Variants in HNRNPL observed in about 807,000 individuals in gnomAD.
HNRNPL encodes heterogeneous nuclear ribonucleoprotein L.
A neutral mutation model predicts 64.0 loss-of-function variants in HNRNPL; 12 were observed. The ratio of observed to expected loss-of-function variants is 0.19; its 90% CI spans 0.12 to 0.30. HNRNPL has a LOEUF of 0.30. Ranked by LOEUF, HNRNPL falls within the 10% of genes least tolerant of loss-of-function variation. The pLI, the probability that HNRNPL is intolerant of heterozygous loss-of-function variation, is 1.00. For missense variants in HNRNPL, 484 were observed against 797.4 expected, an observed-to-expected ratio of 0.61 and a Z score of 4.73; for synonymous variants, 385 against 313.0, an observed-to-expected ratio of 1.23 and a Z score of -2.43.
At chr19:38,849,668 G>C in intron 1 of HNRNPL, 32 bp downstream of exon 1, 1 of 1,305,244 alleles carries the variant, frequency 7.7e-7, no homozygotes, top group Non-Finnish European at 9.7e-7. Context: ...CCCAGTTCCC[G>C]GCCTTCCCAG....
upstream of HNRNPL, among the ~76,000 whole-genome samples, chr19:38,851,816 G>C (rs779824427): frequency 6.6e-6 from 1 of 152,120 alleles, no homozygotes; most frequent in Non-Finnish European, 1.5e-5. Flanking sequence ...TGGCTCTGCC[G>C]GTGAGGGGAA....
At chr19:38,845,586 G>A in intron 4 of HNRNPL, 64 bp downstream of exon 4, 2 of 1,305,676 alleles carry the variant, frequency 1.5e-6, no homozygotes, top group Non-Finnish European at 2.2e-6. Context: ...CTCAAAGAAT[G>A]GCCACTGTCA....
intron 9 of HNRNPL, 117 bp downstream of exon 9, chr19:38,838,777 A>G: frequency 7.0e-7 from 1 of 1,432,416 alleles, no homozygotes. Flanking sequence ...CACACCTGCC[A>G]CATCCCATTT....
upstream of HNRNPL, chr19:38,850,261 A>G (rs575130064): frequency 8.9e-5 from 31 of 347,088 alleles, no homozygotes; most frequent in African/African-American, 6.1e-4. Context: ...TGGCCTCCCT[A>G]AAAGCACCTG....
chr19:38,847,195 G>A lies in HNRNPL; in HGVS notation c.386+121C>T, dbSNP rs529545993. The A allele has an allele frequency of 1.5e-4, 77 of 514,096 alleles. 1 individual carries two copies. In the South Asian group the frequency reaches 3.0e-3, roughly 20 times the overall value. The allele number at this position is 514,096 out of a possible 1,614,324, so 31.8% of individuals were successfully genotyped here. On this transcript the variant is annotated intron_variant, in intron 2 of 12. Coordinates refer to ENST00000221419, the MANE Select transcript of HNRNPL (RefSeq NM_001533.3). ...ACAATGGCCAACCCAAAAGCAGAGC[G>A]GCCACAGAATCTAGACCAGGATGGC...
intron 6 of HNRNPL, chr19:38,840,838 G>A: frequency 2.1e-6 from 1 of 465,320 alleles, no homozygotes; most frequent in Non-Finnish European, 3.8e-6. Context: ...CCCTGGCCCT[G>A]GGAGAAAGCC....
At position 38,840,079 on chromosome 19, in the gene HNRNPL, G is replaced by T; in HGVS notation, c.1233+17C>A. The stretch of plus-strand genomic sequence containing the variant: ...CGAGGCTCAGCGAGGAACCCAGGGG[G>T]CCCGGCAGCAGCTCACCTTCTCCAC... On this transcript the variant is annotated intron_variant, in intron 8 of 12. Coordinates refer to ENST00000221419, the MANE Select transcript of HNRNPL (RefSeq NM_001533.3). 2 of 1,612,616 alleles carry T rather than the reference G, an allele frequency of 1.2e-6. No homozygotes were observed. The highest frequency in any genetic ancestry group is 1.7e-6 in the Non-Finnish European group (2 of 1,179,344).
chr19:38,841,975 C>T (rs914573732), intron 6 of HNRNPL: 5 of 298,684 alleles, frequency 1.7e-5, no homozygotes, highest in South Asian at 1.1e-4. Context: ...GGCCCCACTA[C>T]GCTCGCGCTT....
At chr19:38,850,848 A>G (rs1036022399), upstream of HNRNPL, among the ~76,000 whole-genome samples, 12 of 152,184 alleles carry the variant, frequency 7.9e-5, no homozygotes, top group Admixed American at 5.2e-4. Context: ...CCAGTTCTAA[A>G]TTCAGCCGCA....
At chr19:38,838,698 GGGCATTGCTCTACACCTGA>G (rs1555724986) in intron 9 of HNRNPL, 100 bp from the exon 10 acceptor site, 1 of 1,366,388 alleles carries the variant, frequency 7.3e-7, no homozygotes, top group Non-Finnish European at 1.0e-6. Context: ...GTGTGCCTTG[GGGCATTGCTCTACACCTGA>G]GGCAAGGCTG....
chr19:38,838,662 T>C (rs1291433860), intron 9 of HNRNPL, 64 bp from the exon 10 acceptor site: 2 of 1,523,564 alleles, frequency 1.3e-6, no homozygotes, highest in East Asian at 4.6e-5. Flanking sequence ...CTTTCCCCTG[T>C]GGCCTCCAGA....
At chr19:38,841,882 CAT>C in intron 6 of HNRNPL, 3 of 371,730 alleles carry the variant, frequency 8.1e-6, no homozygotes, top group South Asian at 6.1e-5. Flanking sequence ...CACCTCCTCA[CAT>C]ATGTGCTGCA....
rs1464110560 is a variant in HNRNPL at position 38,836,518 on chromosome 19, A to G, written c.*204T>C. Reference sequence around the variant, plus strand: ...TAAAAGTGAAGGTTAATCTTGGGAGATAACAGTTCCCCTCTCCCTCCCCCT... The same window carrying G: ...TAAAAGTGAAGGTTAATCTTGGGAGGTAACAGTTCCCCTCTCCCTCCCCCT... On this transcript the variant is annotated 3_prime_UTR_variant, in exon 13 of 13. Transcript: ENST00000221419. 9.2e-6 allele frequency: 4 copies of G among 436,022 alleles called. No individual in the cohort carries two copies. The highest frequency in any genetic ancestry group is 1.6e-5 in the Non-Finnish European group (4 of 245,220). 27.0% of individuals were successfully genotyped at this position (436,022 alleles called of 1,614,324 possible).
Position 38,836,673 on chromosome 19 carries a change from GAA to G in HNRNPL, c.*47_*48del. 1 of 1,211,490 alleles carries G rather than the reference GAA, an allele frequency of 8.3e-7. No homozygotes were observed. Among genetic ancestry groups the G allele is most frequent in the Non-Finnish European group, 1.2e-6 (1 of 859,070 alleles). The allele number at this position is 1,211,490 out of a possible 1,614,324, so 75.0% of individuals were successfully genotyped here. On this transcript the variant is annotated 3_prime_UTR_variant, in exon 13 of 13. Coordinates refer to ENST00000221419, the MANE Select transcript of HNRNPL (RefSeq NM_001533.3). The stretch of plus-strand genomic sequence containing the variant: ...AACAAAAACAAAAAATGGCATAAAG[GAA>G]AGAGAAATGTCTTCCTGCTCAGATG...
upstream of HNRNPL, chr19:38,850,247 C>T: frequency 2.7e-6 from 1 of 369,940 alleles, no homozygotes; most frequent in Non-Finnish European, 4.8e-6. Context: ...ATTTCTGGCG[C>T]TGCTGGCCTC....
chr19:38,844,185 G>A, intron 4 of HNRNPL, 81 bp from the exon 5 acceptor site: 7 of 898,650 alleles, frequency 7.8e-6, no homozygotes, highest in Non-Finnish European at 1.3e-5. Flanking sequence ...ATAAGGACAA[G>A]GTAGCACCCC....
chr19:38,843,779 A>C, intron 6 of HNRNPL, 63 bp downstream of exon 6: 28 of 1,299,444 alleles, frequency 2.2e-5, no homozygotes, highest in Non-Finnish European at 2.9e-5. Context: ...CAGGCCTATT[A>C]AGTGCACTAG....
chr19:38,848,419 C>T (rs1197544048), intron 1 of HNRNPL, among the ~76,000 whole-genome samples: 1 of 152,198 alleles, frequency 6.6e-6, no homozygotes, highest in African/African-American at 2.4e-5. Context: ...AGACCAGAGA[C>T]TCCAACCCAT....
At position 38,847,443 on chromosome 19, in the gene HNRNPL, G is replaced by A. The variant is rs1290952999; in HGVS notation, c.268-9C>T. 5 of 1,469,312 alleles carry A rather than the reference G, an allele frequency of 3.4e-6. No individual in the cohort carries two copies. Among genetic ancestry groups the A allele is most frequent in the Admixed American group, 4.7e-5 (2 of 42,196 alleles). 91.0% of individuals were successfully genotyped at this position (1,469,312 alleles called of 1,614,324 possible). On this transcript the variant is annotated splice_polypyrimidine_tract_variant and intron_variant, in intron 1 of 12. Coordinates refer to ENST00000221419, the MANE Select transcript of HNRNPL (RefSeq NM_001533.3). ...GGGTCATCGTAGTTCTCCTGAGAAAGGAAGCAAAAACAAGAATTATTTTCT... is the reference window on the plus strand; with the variant it reads ...GGGTCATCGTAGTTCTCCTGAGAAAAGAAGCAAAAACAAGAATTATTTTCT...
Sources: allele counts gnomAD v4.1 joint callset (sites outside exome capture counted in the v4.1 genomes callset), GRCh38; gene constraint gnomAD v4.1.1; transcripts MANE v1.5; gene names NCBI Gene and HGNC (gene_info 2026-07-23, HGNC 2026-07-21).